TAF4B: variants seen among roughly 807,000 people sequenced by gnomAD.
TAF4B encodes transcription initiation factor TFIID subunit 4B.
In TAF4B, 38 loss-of-function variants were observed where a neutral mutation model predicts 86.4. The ratio of observed to expected loss-of-function variants is 0.44; its 90% confidence interval spans 0.34 to 0.58. The LOEUF (loss-of-function observed/expected upper bound fraction) is 0.58. TAF4B is among the 20% of genes least tolerant of loss of function. The pLI is 0.02. For synonymous variants in TAF4B, 388 were observed against 391.2 expected (o/e 0.99, Z 0.10); for missense variants, 988 against 1,027.6 (o/e 0.96, Z 0.53).
Position 26,226,620 on chromosome 18 carries a change from G to T in TAF4B, c.-314G>T. 1 of 257,358 alleles carries T rather than the reference G, an allele frequency of 3.9e-6. No homozygotes were observed. Among genetic ancestry groups the T allele is most frequent in the Non-Finnish European group, 7.3e-6 (1 of 136,340 alleles). The allele number at this position is 257,358 out of a possible 1,614,324, so 15.9% of individuals were successfully genotyped here. ...GGGAGCCGCAAGTCCAGGCTCCCCC[G>T]CAGCGGGACCCGAGCCTGAGGCGCA... On this transcript the variant is annotated 5_prime_UTR_variant, in exon 1 of 15. Coordinates refer to ENST00000269142, the MANE Select transcript of TAF4B (RefSeq NM_005640.3).
In TAF4B at chr18:26,238,524, A is replaced by G. The variant is rs147085605; in HGVS notation, c.343+11248A>G. Reference sequence around the variant, plus strand: ...CTGATTGGTGAGCCCGGGTGCCTAAAGAAGGAAACAGAGTCCTGAAATTTA... The same window carrying G: ...CTGATTGGTGAGCCCGGGTGCCTAAGGAAGGAAACAGAGTCCTGAAATTTA... On this transcript the variant is annotated intron_variant, in intron 1 of 14. Coordinates refer to ENST00000269142, the MANE Select transcript of TAF4B (RefSeq NM_005640.3). Among the ~76,000 whole-genome samples the G allele has an allele frequency of 9.2e-3, 1,397 of 152,284 alleles. 10 individuals carry two copies. Among genetic ancestry groups the G allele is most frequent in the Middle Eastern group, 0.034 (10 of 294 alleles).
rs541615219 is a variant in TAF4B, at chr18:26,285,591, A to G, written c.973-291A>G. Among the ~76,000 whole-genome samples the G allele has an allele frequency of 1.3e-3, 198 of 152,178 alleles. 1 individual carries two copies. Among genetic ancestry groups the G allele is most frequent in the Non-Finnish European group, 2.1e-3 (143 of 68,032 alleles). On this transcript the variant is annotated intron_variant, in intron 6 of 14. Coordinates refer to ENST00000269142, the MANE Select transcript of TAF4B (RefSeq NM_005640.3). ...ACTAATGATCTATTATAGGGTTTAG[A>G]TGATTATAGAAAAGTATAATACAGT...
chr18:26,315,128 C>CTCTG (rs2056890756), intron 9 of TAF4B, 101 bp from the exon 10 acceptor site: 1 of 332,668 alleles, frequency 3.0e-6, no homozygotes, highest in Non-Finnish European at 4.6e-6. Context: ...CTCTCTCTCT[C>CTCTG]TCTCTCTCTC....
intron 5 of TAF4B, among the ~76,000 whole-genome samples, chr18:26,278,190 C>T (rs1326029641): frequency 6.6e-6 from 1 of 152,076 alleles, no homozygotes; most frequent in Non-Finnish European, 1.5e-5. Context: ...ATGTATGTTT[C>T]CTATTTTGTT....
intron 1 of TAF4B, among the ~76,000 whole-genome samples, chr18:26,227,974 G>C (rs938225414): frequency 6.6e-6 from 1 of 152,196 alleles, no homozygotes; most frequent in Non-Finnish European, 1.5e-5. Context: ...CAGAACCCCT[G>C]ACTGGGAACA....
chr18:26,353,507 G>T (rs1400831579), intron 13 of TAF4B, among the ~76,000 whole-genome samples: 3 of 152,240 alleles, frequency 2.0e-5, no homozygotes, highest in Non-Finnish European at 2.9e-5. Context: ...AAGGCCGGTG[G>T]ATAGCTTGAG....
At chr18:26,334,948 C>T (rs2057079142) in intron 12 of TAF4B, among the ~76,000 whole-genome samples, 1 of 152,132 alleles carries the variant, frequency 6.6e-6, no homozygotes, top group Admixed American at 6.5e-5. Flanking sequence ...TCGTTAGCAT[C>T]ATTTTCAGTA....
chr18:26,312,129 A>T (rs1240210151), intron 9 of TAF4B, among the ~76,000 whole-genome samples: 2 of 152,206 alleles, frequency 1.3e-5, no homozygotes, highest in Non-Finnish European at 1.5e-5. Context: ...CAGCACCTTC[A>T]TCGAAAGACA....
Position 26,275,061 on chromosome 18 carries a change from G to A in TAF4B, c.882+8G>A. 1 of 1,603,170 alleles carries A rather than the reference G, an allele frequency of 6.2e-7. No individual in the cohort carries two copies. The highest frequency in any genetic ancestry group is 1.3e-5 in the African/African-American group (1 of 74,364). ...CTGGTGGAACAACTTTTGGTAAGTAGTGCTATAAAATCCTGCAAATTCTGG... is the reference window on the plus strand; with the variant it reads ...CTGGTGGAACAACTTTTGGTAAGTAATGCTATAAAATCCTGCAAATTCTGG... On this transcript the variant is annotated splice_region_variant and intron_variant, in intron 5 of 14. Transcript: ENST00000269142.
At chr18:26,361,432 TAA>T (rs1330483828) in intron 14 of TAF4B, among the ~76,000 whole-genome samples, 7 of 151,552 alleles carry the variant, frequency 4.6e-5, no homozygotes, top group Non-Finnish European at 8.8e-5. Context: ...CCCCAAATCT[TAA>T]TATAATATGT....
intron 14 of TAF4B, among the ~76,000 whole-genome samples, chr18:26,385,679 G>GTTTTTTTTTTT (rs34188640): frequency 5.5e-5 from 6 of 109,812 alleles, no homozygotes; most frequent in East Asian, 4.7e-4. Flanking sequence ...AATAAACAGC[G>GTTTTTTTTTTT]TTTTTTTTTT....
intron 9 of TAF4B, among the ~76,000 whole-genome samples, chr18:26,307,064 C>T (rs901428554): frequency 1.3e-5 from 2 of 152,122 alleles, no homozygotes; most frequent in Non-Finnish European, 2.9e-5. Flanking sequence ...GCTGGAATTA[C>T]AGGCATGAGC....
chr18:26,322,133 T>C (rs1014693431), intron 11 of TAF4B, among the ~76,000 whole-genome samples: 1 of 152,136 alleles, frequency 6.6e-6, no homozygotes, highest in Non-Finnish European at 1.5e-5. Flanking sequence ...TTGAACAAGA[T>C]GGTATGTAGG....
intron 11 of TAF4B, 56 bp from the exon 12 acceptor site, chr18:26,326,959 G>A: frequency 6.3e-7 from 1 of 1,577,432 alleles, no homozygotes; most frequent in Non-Finnish European, 8.6e-7. Context: ...AATACCTAAT[G>A]TAGAATGTGT....
intron 14 of TAF4B, among the ~76,000 whole-genome samples, chr18:26,379,486 A>G (rs2057463804): frequency 6.6e-6 from 1 of 152,086 alleles, no homozygotes; most frequent in Non-Finnish European, 1.5e-5. Flanking sequence ...CTTATAGCTT[A>G]TGTTGAAAAC....
In TAF4B at chr18:26,286,466, T is replaced by C; in HGVS notation, c.1557T>C (p.Ala519=). The change falls in exon 7 of 15, where the codon GCT becomes GCC. Residue 519 remains alanine (A), a synonymous_variant. Transcript: ENST00000269142. ...CGGGCCCTGTCCTTTCACAACCAGC[T>C]GGGATTCCACAGGCAGTTCAAGTCA... The part of the protein sequence containing the change: ...AQPGPVLSQP[A]GIPQAVQVKQ... 6.2e-7 allele frequency: 1 copy of C among 1,613,232 alleles called. No individual in the cohort carries two copies. The highest frequency in any genetic ancestry group is 8.5e-7 in the Non-Finnish European group (1 of 1,179,788).
At chr18:26,262,974 A>G (rs969732796) in intron 1 of TAF4B, among the ~76,000 whole-genome samples, 1 of 152,020 alleles carries the variant, frequency 6.6e-6, no homozygotes, top group African/African-American at 2.4e-5. Context: ...ATTTAGAGAC[A>G]GTGTTGTGCT....
chr18:26,271,246 T>C (rs971366280), intron 3 of TAF4B, among the ~76,000 whole-genome samples: 4 of 152,230 alleles, frequency 2.6e-5, no homozygotes, highest in Non-Finnish European at 4.4e-5. Context: ...GTCTGATAAA[T>C]ATAACACAAG....
At chr18:26,264,536 C>T (rs2056212531) in intron 1 of TAF4B, among the ~76,000 whole-genome samples, 1 of 152,176 alleles carries the variant, frequency 6.6e-6, no homozygotes. Context: ...TGTTATCTGG[C>T]ATGTGGCATT....
Sources: gnomAD v4.1 joint callset for allele counts (sites outside exome capture counted in the v4.1 genomes callset) on GRCh38, gnomAD v4.1.1 for gene constraint, MANE v1.5 for transcripts, NCBI Gene and HGNC (gene_info 2026-07-23, HGNC 2026-07-21) for gene names.